The following DYRK1A variants were observed in gnomAD, a reference collection of about 807,000 sequenced individuals.
DYRK1A encodes the protein dual specificity tyrosine-phosphorylation-regulated kinase 1A.
A neutral mutation model predicts 79.7 loss-of-function variants in DYRK1A; 9 were observed. That is an observed-to-expected ratio of 0.11 (90% confidence interval 0.07 to 0.20). The LOEUF is 0.20. Among genes scored for constraint, DYRK1A ranks in the 10% least tolerant of loss-of-function variants. The pLI, the probability that DYRK1A is intolerant of heterozygous loss-of-function variation, is 1.00. For synonymous variants in DYRK1A, 349 were observed against 329.7 expected, an observed-to-expected ratio of 1.06 and a Z score of -0.63; for missense variants, 622 against 956.0, an observed-to-expected ratio of 0.65 and a Z score of 4.61.
rs1167244439 is a variant in DYRK1A at position 37,506,172 on chromosome 21, G to A, written c.1593G>A (p.Gly531=). Residue 531 remains glycine, a synonymous_variant, in exon 11 of 12, where the codon GGG becomes GGA. Transcript: ENST00000647188. ...CGCACCAGCATCGGCACAGTGGTGG[G>A]CACTTCACAGCTGCCGTGCAGGCCA... ...DPTHQHRHSG[G]HFTAAVQAMD... The A allele has an allele frequency of 3.1e-6, 5 of 1,614,204 alleles. No individual in the cohort carries two copies. Among genetic ancestry groups the A allele is most frequent in the Non-Finnish European group, 4.2e-6 (5 of 1,180,044 alleles).
At chr21:37,446,620 AC>A (rs1237613606) in intron 2 of DYRK1A, among the ~76,000 whole-genome samples, 4 of 150,308 alleles carry the variant, frequency 2.7e-5, no homozygotes, top group Non-Finnish European at 5.9e-5. Flanking sequence ...TTCAGAGTTT[AC>A]AAGTGTGCTC....
Position 37,367,221 on chromosome 21 carries a change from C to T in DYRK1A, c.-484C>T, listed in dbSNP as rs1389359826. The T allele has an allele frequency of 6.6e-6, 1 of 151,946 alleles. No homozygotes were observed. The allele number at this position is 151,946 out of a possible 1,614,324, so 9.4% of individuals were successfully genotyped here. ...GAGGAGCCGCCGCCGCCGCCCGGGC[C>T]CCGGCGCTTCTCGCTGCGCAGGTTC... On this transcript the variant is annotated 5_prime_UTR_variant, in exon 1 of 12. Transcript: ENST00000647188.
Position 37,522,439 on chromosome 21 carries a change from C to T in DYRK1A, c.*9908C>T, listed in dbSNP as rs1447887122. 1 of 152,320 alleles carries T rather than the reference C, an allele frequency of 6.6e-6. No homozygotes were observed. Among genetic ancestry groups the T allele is most frequent in the Non-Finnish European group, 1.5e-5 (1 of 68,078 alleles). 9.4% of individuals were successfully genotyped at this position (152,320 alleles called of 1,614,324 possible). A position where few individuals can be genotyped will look rare whatever the true frequency, so the allele number is the denominator to read the frequency against. On this transcript the variant is annotated 3_prime_UTR_variant, in exon 12 of 12. Transcript: ENST00000647188. ...TCTAGTCAGGCCTCTTTCCAGTTCT[C>T]CACGCTGACCTTGACTTTCGAGATC...
chr21:37,470,498 G>A (rs1043662149), intron 2 of DYRK1A, among the ~76,000 whole-genome samples: 3 of 152,146 alleles, frequency 2.0e-5, no homozygotes, highest in South Asian at 4.1e-4. Flanking sequence ...TTTAAACTTT[G>A]TAACAAGGAA....
intron 2 of DYRK1A, among the ~76,000 whole-genome samples, chr21:37,431,034 T>C (rs539975214): frequency 1.3e-5 from 2 of 152,326 alleles, no homozygotes; most frequent in South Asian, 4.1e-4. Flanking sequence ...CAGTTGCCTT[T>C]TCTTGCAGAA....
In DYRK1A at chr21:37,420,374, G is replaced by A. The variant is rs780371719; in HGVS notation, c.-1G>A. On this transcript the variant is annotated 5_prime_UTR_variant, in exon 2 of 12. Transcript: ENST00000647188. ...GATGATATGAGACTTGAAAGAAGAC[G>A]ATGCATACAGGTGACTCAAGTTTTG... The A allele has an allele frequency of 2.8e-5, 45 of 1,611,394 alleles. No homozygotes were observed. Among genetic ancestry groups the A allele is most frequent in the Non-Finnish European group, 3.5e-5 (41 of 1,178,356 alleles).
chr21:37,469,781 T>A (rs2052157874), intron 2 of DYRK1A, among the ~76,000 whole-genome samples: 1 of 152,006 alleles, frequency 6.6e-6, no homozygotes, highest in Non-Finnish European at 1.5e-5. Flanking sequence ...TCCAATAACC[T>A]CCTACCGGGG....
intron 2 of DYRK1A, chr21:37,430,409 C>T (rs2050744799): frequency 2.0e-6 from 2 of 985,112 alleles, no homozygotes; most frequent in African/African-American, 3.5e-5. Flanking sequence ...AGGTCTGGTA[C>T]ATTTTAAAAG....
At position 37,512,914 on chromosome 21, in the gene DYRK1A, C is replaced by T. The variant is rs958333579; in HGVS notation, c.*383C>T. The T allele has an allele frequency of 2.0e-5, 3 of 150,184 alleles. No individual in the cohort carries two copies. The highest frequency in any genetic ancestry group is 4.2e-5 in the Non-Finnish European group (3 of 70,988). 9.3% of individuals were successfully genotyped at this position (150,184 alleles called of 1,614,324 possible). On this transcript the variant is annotated 3_prime_UTR_variant, in exon 12 of 12. Transcript: ENST00000647188. ...CTGCACATAATTTGCATAAAGGGCCCCATGAGGGTGTTTTTTTTTTTTCTT... is the reference window on the plus strand; with the variant it reads ...CTGCACATAATTTGCATAAAGGGCCTCATGAGGGTGTTTTTTTTTTTTCTT...
chr21:37,376,061 C>CT (rs909031587), intron 1 of DYRK1A, among the ~76,000 whole-genome samples: 13 of 152,002 alleles, frequency 8.6e-5, no homozygotes, highest in African/African-American at 3.1e-4. Context: ...AAGAGAGAGT[C>CT]TGAGTGCTGG....
At chr21:37,424,056 A>G (rs1310986880) in intron 2 of DYRK1A, among the ~76,000 whole-genome samples, 2 of 152,084 alleles carry the variant, frequency 1.3e-5, no homozygotes, top group East Asian at 1.9e-4. Flanking sequence ...CAAAACCCCA[A>G]CTTTTAAAAT....
chr21:37,496,850 A>C (rs2053285126), intron 9 of DYRK1A, among the ~76,000 whole-genome samples: 1 of 152,188 alleles, frequency 6.6e-6, no homozygotes, highest in South Asian at 2.1e-4. Flanking sequence ...GGTTTGTTTT[A>C]GTAATTTTCT....
rs550940730 is a variant in DYRK1A, at chr21:37,376,431, C to G, written c.-77+8803C>G. 2.6e-5 allele frequency among the ~76,000 whole-genome samples: 4 copies of G among 152,258 alleles called. No individual in the cohort carries two copies. The South Asian group carries it at 8.3e-4, about 32-fold the overall frequency. ...GGCAGAGGCAGGATAATTGTTGGAACCCTGGAAGCGGACGTTGCAGTGGGC... is the reference window on the plus strand; with the variant it reads ...GGCAGAGGCAGGATAATTGTTGGAAGCCTGGAAGCGGACGTTGCAGTGGGC... On this transcript the variant is annotated intron_variant, in intron 1 of 11. Transcript: ENST00000647188.
chr21:37,438,986 A>C (rs946586355), intron 2 of DYRK1A, among the ~76,000 whole-genome samples: 1 of 152,052 alleles, frequency 6.6e-6, no homozygotes, highest in South Asian at 2.1e-4. Flanking sequence ...TCATTTTTCT[A>C]ATTTTCAGTA....
At chr21:37,418,150 C>T (rs1305781002) in intron 1 of DYRK1A, among the ~76,000 whole-genome samples, 1 of 152,062 alleles carries the variant, frequency 6.6e-6, no homozygotes, top group Non-Finnish European at 1.5e-5. Flanking sequence ...TGAAAAGTGG[C>T]TAGCCTGAAG....
chr21:37,435,358 G>A (rs2050893657), intron 2 of DYRK1A, among the ~76,000 whole-genome samples: 1 of 152,212 alleles, frequency 6.6e-6, no homozygotes, highest in South Asian at 2.1e-4. Context: ...GATGGTTTCT[G>A]TGTGCTGTTC....
At chr21:37,437,047 C>CTACA (rs2050945219) in intron 2 of DYRK1A, among the ~76,000 whole-genome samples, 2 of 152,236 alleles carry the variant, frequency 1.3e-5, no homozygotes, top group African/African-American at 4.8e-5. Context: ...TGTTTGAAGG[C>CTACA]TACAGGGTGT....
At chr21:37,509,117 G>A (rs1455396326) in intron 11 of DYRK1A, among the ~76,000 whole-genome samples, 7 of 152,200 alleles carry the variant, frequency 4.6e-5, no homozygotes, top group Admixed American at 4.6e-4. Flanking sequence ...TCAGCGAAAG[G>A]TTTTCCTTCC....
At chr21:37,388,256 T>G (rs1328219806) in intron 1 of DYRK1A, among the ~76,000 whole-genome samples, 1 of 151,954 alleles carries the variant, frequency 6.6e-6, no homozygotes, top group Non-Finnish European at 1.5e-5. Context: ...CTAATTTTTC[T>G]GTATTTTGTA....
Sources: gnomAD v4.1 joint callset for allele counts (sites outside exome capture counted in the v4.1 genomes callset) on GRCh38, gnomAD v4.1.1 for gene constraint, MANE v1.5 for transcripts, NCBI Gene and HGNC (gene_info 2026-07-23, HGNC 2026-07-21) for gene names.